The following HS6ST2 variants were observed in gnomAD, a reference collection of about 807,000 sequenced individuals.
HS6ST2 encodes heparan sulfate 6-O-sulfotransferase 2.
HS6ST2 carries 17 observed loss-of-function variants against 33.0 expected under a neutral mutation model. That is an observed-to-expected ratio of 0.52 (90% CI 0.35 to 0.77). The LOEUF is 0.77. Ranked by LOEUF, HS6ST2 falls within the 30% of genes least tolerant of loss-of-function variation. HS6ST2 has a pLI of 0.01. For synonymous variants in HS6ST2, 248 were observed against 237.1 expected, an observed-to-expected ratio of 1.05 and a Z score of -0.42; for missense variants, 519 against 551.7, an observed-to-expected ratio of 0.94 and a Z score of 0.59.
At chrX:132,801,942 G>A (rs1032605017) in intron 2 of HS6ST2, among the ~76,000 whole-genome samples, 7 of 111,911 alleles carry the variant, frequency 6.3e-5, no homozygotes, top group African/African-American at 2.3e-4. Context: ...AGGATGAGAT[G>A]TTTATCCTCT....
chrX:132,728,862 T>G (rs1472061070), intron 2 of HS6ST2, among the ~76,000 whole-genome samples: 1 of 112,580 alleles, frequency 8.9e-6, no homozygotes, highest in East Asian at 2.8e-4. Flanking sequence ...GCTCTAAAGA[T>G]GACGACATAG....
At position 132,628,054 on chromosome X, in the gene HS6ST2, C is replaced by A; in HGVS notation, c.*169G>T. ...CATATTGAGATTTGTTTTACCTACACACAGTATAACACTGAATTGAAAGGC... is the reference window on the plus strand; with the variant it reads ...CATATTGAGATTTGTTTTACCTACAAACAGTATAACACTGAATTGAAAGGC... On this transcript the variant is annotated 3_prime_UTR_variant, in exon 5 of 5. Coordinates refer to ENST00000370833, the MANE Select transcript of HS6ST2 (RefSeq NM_001394073.1). The A allele has an allele frequency of 2.6e-6, 1 of 385,516 alleles. No homozygotes were observed. Among genetic ancestry groups the A allele is most frequent in the Non-Finnish European group, 4.5e-6 (1 of 223,569 alleles). The allele number at this position is 385,516 out of a possible 1,213,427, so 31.8% of individuals were successfully genotyped here.
intron 4 of HS6ST2, among the ~76,000 whole-genome samples, chrX:132,657,761 T>C (rs1292691385): frequency 9.6e-6 from 1 of 104,514 alleles, no homozygotes; most frequent in African/African-American, 3.5e-5. Context: ...CAAAAGTAAT[T>C]GTGGTGTTTG....
chrX:132,684,639 A>C (rs2064001879), intron 3 of HS6ST2, among the ~76,000 whole-genome samples: 1 of 111,006 alleles, frequency 9.0e-6, no homozygotes, highest in African/African-American at 3.3e-5. Flanking sequence ...GTACCATTGC[A>C]TTTGGGGCTT....
At chrX:132,707,725 C>A (rs1177032577) in intron 3 of HS6ST2, among the ~76,000 whole-genome samples, 1 of 111,900 alleles carries the variant, frequency 8.9e-6, no homozygotes, top group Non-Finnish European at 1.9e-5. Flanking sequence ...ATGTGCCAAG[C>A]GACTAGAGCA....
chrX:132,747,353 G>A (rs1051722814), intron 2 of HS6ST2, among the ~76,000 whole-genome samples: 1 of 111,865 alleles, frequency 8.9e-6, no homozygotes, highest in African/African-American at 3.2e-5. Flanking sequence ...ATATAACATA[G>A]GAAAGCTCGC....
chrX:132,748,082 C>T (rs2064664285), intron 2 of HS6ST2, among the ~76,000 whole-genome samples: 1 of 111,513 alleles, frequency 9.0e-6, no homozygotes, highest in South Asian at 3.8e-4. Flanking sequence ...TCTTTCTTCC[C>T]CAACATAGCT....
intron 2 of HS6ST2, among the ~76,000 whole-genome samples, chrX:132,817,252 T>C (rs1172071760): frequency 9.0e-6 from 1 of 110,969 alleles, no homozygotes; most frequent in African/African-American, 3.3e-5. Context: ...TGCAGAGGGT[T>C]TGGGTGGCTT....
intron 3 of HS6ST2, among the ~76,000 whole-genome samples, chrX:132,703,957 A>G (rs1255327952): frequency 8.9e-6 from 1 of 112,154 alleles, no homozygotes; most frequent in East Asian, 2.8e-4. Context: ...TTAGACACTT[A>G]AGGACAGAGA....
rs541469770 is a variant in HS6ST2, at chrX:132,839,430, T to C, written c.947+117378A>G. The stretch of plus-strand genomic sequence containing the variant: ...GATGTAACTGACGGCCATTATCTTA[T>C]GTCAAACAACTCAGAAACAGTCAAA... On this transcript the variant is annotated intron_variant, in intron 2 of 4. Coordinates refer to ENST00000370833, the MANE Select transcript of HS6ST2 (RefSeq NM_001394073.1). Among the ~76,000 whole-genome samples the C allele has an allele frequency of 5.3e-5, 4 of 74,881 alleles. No homozygotes were observed. The East Asian group carries it at 1.5e-3, about 28-fold the overall frequency. 65.0% of individuals were successfully genotyped at this position (74,881 alleles called of 115,157 possible). A position where few individuals can be genotyped will look rare whatever the true frequency, so the allele number is the denominator to read the frequency against.
At chrX:132,845,380 C>G (rs1368527510) in intron 2 of HS6ST2, among the ~76,000 whole-genome samples, 1 of 110,709 alleles carries the variant, frequency 9.0e-6, no homozygotes, top group African/African-American at 3.3e-5. Context: ...ATGAGAGACA[C>G]AATCAGCCAT....
intron 2 of HS6ST2, among the ~76,000 whole-genome samples, chrX:132,841,823 G>A (rs7357976): frequency 9.0e-6 from 1 of 111,549 alleles, no homozygotes; most frequent in Non-Finnish European, 1.9e-5. Flanking sequence ...ATAATCTATA[G>A]GCCCGTCATA....
Position 132,628,372 on chromosome X carries a change from G to A in HS6ST2, c.1789C>T (p.Leu597=). 3 of 1,175,739 alleles carry A rather than the reference G, an allele frequency of 2.6e-6. No homozygotes were observed. Among genetic ancestry groups the A allele is most frequent in the East Asian group, 3.1e-5 (1 of 32,502 alleles). Residue 597 remains leucine, a synonymous_variant, in exon 5 of 5, where the codon CTG becomes TTG. Transcript: ENST00000370833. ...AGATTCTGCATCAGATTCTGAGTCA[G>A]GTTCTGATTGGCATTCGGATTTGGG... ...QNPNPNANQN[L]TQNLMQNLTQ... is the part of the protein sequence containing the mutation.
intron 2 of HS6ST2, among the ~76,000 whole-genome samples, chrX:132,803,182 A>G (rs2148355514): frequency 9.0e-6 from 1 of 111,411 alleles, no homozygotes; most frequent in African/African-American, 3.3e-5. Flanking sequence ...TTGGCCCCCT[A>G]CTAGTTAGAG....
At chrX:132,751,935 T>C (rs1008064981) in intron 2 of HS6ST2, among the ~76,000 whole-genome samples, 1 of 111,911 alleles carries the variant, frequency 8.9e-6, no homozygotes, top group Non-Finnish European at 1.9e-5. Flanking sequence ...GGGATGAGTG[T>C]TTGAATTAGC....
chrX:132,665,750 GT>G (rs60731804), intron 4 of HS6ST2, among the ~76,000 whole-genome samples: 40,246 of 104,399 alleles, frequency 0.39, 6,708 homozygotes, highest in African/African-American at 0.61. Context: ...CTGCACTGAA[GT>G]TTTTTTTTTT....
intron 2 of HS6ST2, among the ~76,000 whole-genome samples, chrX:132,795,171 C>T (rs2148347500): frequency 8.9e-6 from 1 of 111,815 alleles, no homozygotes; most frequent in South Asian, 3.8e-4. Context: ...GTGCTGAAGT[C>T]TTTCCCCCAT....
At chrX:132,886,126 C>T (rs2066249047) in intron 2 of HS6ST2, among the ~76,000 whole-genome samples, 1 of 111,796 alleles carries the variant, frequency 8.9e-6, no homozygotes, top group Non-Finnish European at 1.9e-5. Context: ...TGGATGAGAA[C>T]TTCAAAAGAC....
At chrX:132,947,103 T>C (rs1376712411) in intron 2 of HS6ST2, among the ~76,000 whole-genome samples, 2 of 111,556 alleles carry the variant, frequency 1.8e-5, no homozygotes, top group Non-Finnish European at 3.8e-5. Flanking sequence ...ATTCATTCAC[T>C]GAAGTTTTTC....
Sources: allele counts gnomAD v4.1 joint callset (sites outside exome capture counted in the v4.1 genomes callset), GRCh38; gene constraint gnomAD v4.1.1; transcripts MANE v1.5; gene names NCBI Gene and HGNC (gene_info 2026-07-23, HGNC 2026-07-21).